IQSEC1: variants seen among roughly 807,000 people sequenced by gnomAD.
IQSEC1 encodes the protein IQ motif and Sec7 domain ArfGEF 1.
In IQSEC1, 31 loss-of-function variants were observed where a neutral mutation model predicts 91.0. The observed-to-expected ratio is 0.34, with a 90% confidence interval of 0.26 to 0.46. The LOEUF is 0.46. Among genes scored for constraint, IQSEC1 ranks in the 20% least tolerant of loss-of-function variants. The pLI is 1.00. For missense variants in IQSEC1, 1,388 were observed against 1,575.6 expected (o/e 0.88, Z 2.02); for synonymous variants, 699 against 662.6 (o/e 1.05, Z -0.84).
chr3:13,214,061 CT>C lies in IQSEC1; in HGVS notation c.273-49929del, dbSNP rs1216834359. ...CTCCTTCCTCTGATAGGCCTGTCCC[CT>C]GTGTCCCTGTCCACTGTGCTCTGTC... is the stretch of plus-strand genomic sequence containing the variant. On this transcript the variant is annotated intron_variant, in intron 1 of 15. Transcript: ENST00000648114. The surrounding 1 kb of genome is among the most constrained non-coding windows in gnomAD (Gnocchi z 4.5). Among the ~76,000 whole-genome samples, 1 of 152,206 alleles carries C rather than the reference CT, an allele frequency of 6.6e-6. No individual in the cohort carries two copies. The highest frequency in any genetic ancestry group is 1.5e-5 in the Non-Finnish European group (1 of 68,040).
At chr3:13,145,805 G>GGC (rs1491167350) in intron 2 of IQSEC1, among the ~76,000 whole-genome samples, 227 of 12,470 alleles carry the variant, frequency 0.018, 6 homozygotes, top group African/African-American at 0.074. Context: ...GCCCGGGGGC[G>GGC]GGGGGGGGGG....
At chr3:13,035,385 C>T (rs951933256) in intron 1 of IQSEC1, among the ~76,000 whole-genome samples, 1 of 152,200 alleles carries the variant, frequency 6.6e-6, no homozygotes, top group African/African-American at 2.4e-5. Context: ...CCTACGTGGA[C>T]TTGAGAAGTC....
intron 1 of IQSEC1, among the ~76,000 whole-genome samples, chr3:13,165,848 G>T (rs1693485043): frequency 6.6e-6 from 1 of 152,136 alleles, no homozygotes; most frequent in African/African-American, 2.4e-5. Context: ...AAAGGGAGAG[G>T]TAGGGTGCCC....
chr3:13,082,325 T>C (rs4684907), intron 2 of IQSEC1, among the ~76,000 whole-genome samples: 144,176 of 152,300 alleles, frequency 0.95, 68,328 homozygotes, highest in East Asian at 1. Flanking sequence ...TCACCACCCC[T>C]GACTCTCTTT....
chr3:12,977,027 A>G (rs1055198848), intron 1 of IQSEC1, among the ~76,000 whole-genome samples: 2 of 152,194 alleles, frequency 1.3e-5, no homozygotes, highest in Admixed American at 1.3e-4. Context: ...CCCATCAGCT[A>G]AAGATTTTAT....
intron 1 of IQSEC1, among the ~76,000 whole-genome samples, chr3:12,998,927 C>T (rs1702320391): frequency 6.6e-6 from 1 of 152,022 alleles, no homozygotes; most frequent in Admixed American, 6.5e-5. Context: ...TTTTGTTTCC[C>T]AACATGAAGC....
At position 13,214,729 on chromosome 3, in the gene IQSEC1, G is replaced by A. The variant is rs1307512504; in HGVS notation, c.273-50596C>T. ...CACGGTCTCCAGGGAGCGGTGTTGA[G>A]GTCTCAGCTGGGCACCATGCCTGAC... On this transcript the variant is annotated intron_variant, in intron 1 of 15. Coordinates refer to the IQSEC1 transcript ENST00000648114. The surrounding 1 kb of genome is among the most constrained non-coding windows in gnomAD (Gnocchi z 4.5). Among the ~76,000 whole-genome samples the A allele has an allele frequency of 6.6e-6, 1 of 152,236 alleles. No homozygotes were observed. The highest frequency in any genetic ancestry group is 1.5e-5 in the Non-Finnish European group (1 of 68,038).
intron 1 of IQSEC1, among the ~76,000 whole-genome samples, chr3:12,969,360 TA>T (rs1208750457): frequency 6.6e-6 from 1 of 152,148 alleles, no homozygotes; most frequent in African/African-American, 2.4e-5. Context: ...TAGGGAACTG[TA>T]AATCAAGACC....
chr3:13,023,483 C>T (rs1236214993), intron 1 of IQSEC1, among the ~76,000 whole-genome samples: 10 of 152,196 alleles, frequency 6.6e-5, no homozygotes, highest in Non-Finnish European at 1.5e-4. Context: ...GCACCTGGCA[C>T]CCAGCAGGGC....
At chr3:12,980,739 T>G (rs568806872) in intron 1 of IQSEC1, among the ~76,000 whole-genome samples, 20 of 152,298 alleles carry the variant, frequency 1.3e-4, no homozygotes, top group African/African-American at 4.8e-4. Context: ...CTAAGAGCCC[T>G]TCTGTTCTCT....
intron 1 of IQSEC1, among the ~76,000 whole-genome samples, chr3:12,964,360 G>T (rs1396192133): frequency 6.6e-6 from 1 of 151,374 alleles, no homozygotes; most frequent in Non-Finnish European, 1.5e-5. Flanking sequence ...AAGGCCTCCG[G>T]TGGTGTTTGA....
intron 1 of IQSEC1, among the ~76,000 whole-genome samples, chr3:13,023,309 T>G (rs997149096): frequency 6.6e-6 from 1 of 152,150 alleles, no homozygotes; most frequent in Non-Finnish European, 1.5e-5. Context: ...GCCCCCACCC[T>G]GGTCTCCACC....
At chr3:13,238,070 G>T (rs970059015) in intron 1 of IQSEC1, among the ~76,000 whole-genome samples, 1 of 152,212 alleles carries the variant, frequency 6.6e-6, no homozygotes, top group African/African-American at 2.4e-5. Flanking sequence ...CAAGCACAAC[G>T]CATGGTCGGG....
intron 1 of IQSEC1, among the ~76,000 whole-genome samples, chr3:13,187,681 C>A (rs1437089407): frequency 6.6e-6 from 1 of 152,176 alleles, no homozygotes; most frequent in Non-Finnish European, 1.5e-5. Flanking sequence ...TGGGTCCTGA[C>A]TATCTTAGTC....
intron 2 of IQSEC1, among the ~76,000 whole-genome samples, chr3:13,090,753 G>A (rs1705845142): frequency 6.6e-6 from 1 of 152,192 alleles, no homozygotes; most frequent in Non-Finnish European, 1.5e-5. Context: ...TGCTGGGCCT[G>A]AGGAGGCACA....
upstream of IQSEC1, among the ~76,000 whole-genome samples, chr3:13,078,220 G>A (rs1443488448): frequency 2.6e-5 from 4 of 152,150 alleles, no homozygotes; most frequent in Non-Finnish European, 5.9e-5. Flanking sequence ...ATGAGCAGAG[G>A]GCACCTAGAG....
intron 1 of IQSEC1, among the ~76,000 whole-genome samples, chr3:13,179,719 G>A (rs143175354): frequency 0.03 from 4,622 of 152,372 alleles, 111 homozygotes; most frequent in Non-Finnish European, 0.045. Flanking sequence ...GGCCAAGGCC[G>A]GAGCCGGCTC....
chr3:13,093,805 C>G (rs536433216), intron 2 of IQSEC1, among the ~76,000 whole-genome samples: 2 of 152,322 alleles, frequency 1.3e-5, no homozygotes, highest in South Asian at 4.1e-4. Flanking sequence ...GTCCACGTGA[C>G]TCCGCTAGGT....
In IQSEC1 at chr3:12,936,584, G is replaced by T. The variant is rs1234341916; in HGVS notation, c.432C>A (p.Arg144=). ...YQMNKNFERL[R]SSMSENRMSR... Reference sequence around the variant, plus strand: ...ACATGCGGTTCTCTGACATGGAGCTGCGCAAGCGCTCGAAGTTCTTGTTCA... The same window carrying T: ...ACATGCGGTTCTCTGACATGGAGCTTCGCAAGCGCTCGAAGTTCTTGTTCA... Residue 144 remains arginine, a synonymous_variant, in exon 3 of 14, where the codon CGC becomes CGA. Coordinates refer to ENST00000613206, the MANE Select transcript of IQSEC1 (RefSeq NM_001134382.3). The T allele has an allele frequency of 6.2e-7, 1 of 1,613,176 alleles. No homozygotes were observed. Among genetic ancestry groups the T allele is most frequent in the Non-Finnish European group, 8.5e-7 (1 of 1,180,040 alleles).
Sources: gnomAD v4.1 joint callset for allele counts (sites outside exome capture counted in the v4.1 genomes callset) on GRCh38, gnomAD v4.1.1 for gene constraint, Gnocchi (gnomAD v3.1) non-coding constraint, MANE v1.5 for transcripts, NCBI Gene and HGNC (gene_info 2026-07-23, HGNC 2026-07-21) for gene names.